METTL9: variants seen among roughly 807,000 people sequenced by gnomAD.
METTL9 encodes the protein methyltransferase 9, His-X-His N1(pi)-histidine, also known as protein-L-histidine N-pros-methyltransferase.
A neutral mutation model predicts 36.0 loss-of-function variants in METTL9; 10 were observed. The ratio of observed to expected loss-of-function variants is 0.28; its 90% CI spans 0.17 to 0.47. The LOEUF (loss-of-function observed/expected upper bound fraction) is 0.47. METTL9 is among the 20% of genes least tolerant of loss of function. METTL9 has a pLI of 0.99. For missense variants in METTL9, 246 were observed against 383.5 expected (o/e 0.64, Z 3.00); for synonymous variants, 175 against 149.7 (o/e 1.17, Z -1.23).
chr16:21,632,450 G>A (rs919513622), intron 4 of METTL9, among the ~76,000 whole-genome samples: 7 of 152,130 alleles, frequency 4.6e-5, no homozygotes, highest in African/African-American at 7.2e-5. Context: ...CGGTATATAG[G>A]TTAAGGTCAG....
chr16:21,650,812 T>G (rs1966554217), intron 4 of METTL9, among the ~76,000 whole-genome samples: 1 of 152,220 alleles, frequency 6.6e-6, no homozygotes. Context: ...CTGTGAATGA[T>G]TTCTTTTAAG....
At chr16:21,637,097 C>T in intron 4 of METTL9, among the ~76,000 whole-genome samples, 1 of 152,110 alleles carries the variant, frequency 6.6e-6, no homozygotes, top group East Asian at 1.9e-4. Context: ...AAAAACAAAG[C>T]TTCCACAGTA....
chr16:21,637,758 C>T (rs989647059), intron 4 of METTL9, among the ~76,000 whole-genome samples: 8 of 152,234 alleles, frequency 5.3e-5, no homozygotes, highest in African/African-American at 1.7e-4. Context: ...CACACTTCCC[C>T]GCGAGCAGAG....
intron 1 of METTL9, among the ~76,000 whole-genome samples, chr16:21,608,858 G>T (rs1288597654): frequency 6.6e-6 from 1 of 152,198 alleles, no homozygotes; most frequent in Middle Eastern, 3.2e-3. Flanking sequence ...TTAATTGGCA[G>T]GATAGTCCTG....
At chr16:21,630,449 G>T (rs372952719) in intron 4 of METTL9, among the ~76,000 whole-genome samples, 1 of 152,232 alleles carries the variant, frequency 6.6e-6, no homozygotes, top group African/African-American at 2.4e-5. Context: ...CAGAGCCGAC[G>T]CCGTGGCCGA....
At chr16:21,648,459 A>G (rs1018790073) in intron 4 of METTL9, among the ~76,000 whole-genome samples, 1 of 151,074 alleles carries the variant, frequency 6.6e-6, no homozygotes, top group African/African-American at 2.5e-5. Flanking sequence ...CGCCACTGCT[A>G]CTGTTCCCAC....
At chr16:21,640,307 C>A (rs755269582) in intron 4 of METTL9, 1 of 151,962 alleles carries the variant, frequency 6.6e-6, no homozygotes. Context: ...ATAATGAATG[C>A]ATACTTATGG....
At chr16:21,617,798 T>G (rs1390879979) in intron 2 of METTL9, 67 bp from the exon 3 acceptor site, 1 of 1,312,084 alleles carries the variant, frequency 7.6e-7, no homozygotes, top group East Asian at 2.3e-5. Flanking sequence ...ATATTCACTT[T>G]GTGTGTGTAT....
In METTL9 at chr16:21,647,050, AT is replaced by A. The variant is rs750937785; in HGVS notation, c.752-8174del. The A allele has an allele frequency of 2.5e-6, 4 of 1,574,222 alleles. No individual in the cohort carries two copies. The South Asian group carries it at 4.5e-5, about 18-fold the overall frequency. On this transcript the variant is annotated intron_variant, in intron 4 of 4. Coordinates refer to ENST00000358154, the MANE Select transcript of METTL9 (RefSeq NM_016025.5). ...ATTAACTTAGCAAATTTATCTCCTG[AT>A]TTCTACATGTGAGTGAGGTAATGAT...
At chr16:21,647,428 A>G (rs1966460031) in intron 4 of METTL9, 2 of 1,613,970 alleles carry the variant, frequency 1.2e-6, no homozygotes, top group South Asian at 1.1e-5. Flanking sequence ...TGACGGCCTC[A>G]TGAGTGTAGT....
chr16:21,641,676 G>C (rs1029825852), intron 4 of METTL9: 1 of 759,516 alleles, frequency 1.3e-6, no homozygotes, highest in Admixed American at 2.6e-5. Flanking sequence ...CAAACCACTG[G>C]GCCATCTTGG....
chr16:21,600,713 A>G (rs1965101456), intron 1 of METTL9, among the ~76,000 whole-genome samples: 1 of 152,204 alleles, frequency 6.6e-6, no homozygotes, highest in Non-Finnish European at 1.5e-5. Context: ...AAACGTGTAC[A>G]GGTTAACTGT....
rs140742307 is a variant in METTL9, at chr16:21,647,123, G to T, written c.752-8104G>T. 4 of 1,614,102 alleles carry T rather than the reference G, an allele frequency of 2.5e-6. No homozygotes were observed. In the South Asian group the frequency reaches 3.3e-5, roughly 13 times the overall value. On this transcript the variant is annotated intron_variant, in intron 4 of 4. Coordinates refer to ENST00000358154, the MANE Select transcript of METTL9 (RefSeq NM_016025.5). ...CAATGATGCACTGAAATAAAGCCTC[G>T]CTGACTGACCTCTTACCACCAGTGT...
Position 21,613,168 on chromosome 16 carries a change from C to CTTTT in METTL9, c.356+366_356+369dup, listed in dbSNP as rs57388340. Reference sequence around the variant, plus strand: ...ATCAGGGGCTAGGTCTGAGAGTCTGCTTTTTTTTTTTTTTTTTTTTTTTTT... The same window carrying CTTTT: ...ATCAGGGGCTAGGTCTGAGAGTCTGCTTTTTTTTTTTTTTTTTTTTTTTTTTTTT... On this transcript the variant is annotated intron_variant, in intron 2 of 4. Coordinates refer to ENST00000358154, the MANE Select transcript of METTL9 (RefSeq NM_016025.5). Among the ~76,000 whole-genome samples, 24 of 91,424 alleles carry CTTTT rather than the reference C, an allele frequency of 2.6e-4. 5 individuals carry two copies. The highest frequency in any genetic ancestry group is 5.9e-4 in the African/African-American group (11 of 18,526). The allele number at this position is 91,424 out of a possible 152,430, so 60.0% of individuals were successfully genotyped here. A position where few individuals can be genotyped will look rare whatever the true frequency, so the allele number is the denominator to read the frequency against.
intron 2 of METTL9, among the ~76,000 whole-genome samples, chr16:21,617,351 G>T (rs1451977616): frequency 6.7e-6 from 1 of 149,882 alleles, no homozygotes; most frequent in East Asian, 2.0e-4. Context: ...CTGGGAGGCG[G>T]AGCTTGCAGT....
chr16:21,615,599 G>T (rs969046700), intron 2 of METTL9, among the ~76,000 whole-genome samples: 3 of 152,098 alleles, frequency 2.0e-5, no homozygotes, highest in African/African-American at 7.2e-5. Flanking sequence ...TCTTGTTCTA[G>T]AATTTTATAA....
chr16:21,632,617 G>A (rs911996755), intron 4 of METTL9, among the ~76,000 whole-genome samples: 3 of 152,156 alleles, frequency 2.0e-5, no homozygotes, highest in Non-Finnish European at 4.4e-5. Flanking sequence ...GGTCCCTCAA[G>A]GAGTAGTGCC....
At chr16:21,627,853 T>C (rs1348260508) in intron 4 of METTL9, among the ~76,000 whole-genome samples, 1 of 152,052 alleles carries the variant, frequency 6.6e-6, no homozygotes, top group Non-Finnish European at 1.5e-5. Flanking sequence ...CTGGGGAGGC[T>C]GAGGTGGGAG....
chr16:21,647,159 C>G (rs752410978), intron 4 of METTL9: 1 of 1,614,188 alleles, frequency 6.2e-7, no homozygotes, highest in South Asian at 1.1e-5. Context: ...GGTCCCTCCT[C>G]CTGTCTGTTT....
Sources: gnomAD v4.1 joint callset for allele counts (sites outside exome capture counted in the v4.1 genomes callset) on GRCh38, gnomAD v4.1.1 for gene constraint, MANE v1.5 for transcripts, NCBI Gene and HGNC (gene_info 2026-07-23, HGNC 2026-07-21) for gene names.